The following EIF5B variants were observed in gnomAD, a reference collection of about 807,000 sequenced individuals.
EIF5B encodes the protein eIF-5B.
In EIF5B, 47 loss-of-function variants were observed where a neutral mutation model predicts 147.5. The ratio of observed to expected loss-of-function variants is 0.32; its 90% CI spans 0.25 to 0.41. The LOEUF is 0.41. Among genes scored for constraint, EIF5B ranks in the 10% least tolerant of loss-of-function variants. The pLI is 1.00. For missense variants in EIF5B, 1,064 were observed against 1,413.2 expected, an observed-to-expected ratio of 0.75 and a Z score of 3.96; for synonymous variants, 455 against 456.2, an observed-to-expected ratio of 1.00 and a Z score of 0.03.
chr2:99,376,300 C>G, intron 9 of EIF5B, 47 bp from the exon 10 acceptor site: 1 of 1,197,500 alleles, frequency 8.4e-7, no homozygotes, highest in African/African-American at 1.6e-5. Context: ...TGATATAAAT[C>G]TATCATATTA....
chr2:99,346,052 A>C (rs2094272751), intron 1 of EIF5B, among the ~76,000 whole-genome samples: 1 of 152,196 alleles, frequency 6.6e-6, no homozygotes, highest in Admixed American at 6.5e-5. Context: ...GATAATACAG[A>C]GTGAAGTGCT....
chr2:99,351,688 T>TG (rs1489726726), intron 1 of EIF5B, among the ~76,000 whole-genome samples: 1 of 109,914 alleles, frequency 9.1e-6, no homozygotes, highest in African/African-American at 3.1e-5. Context: ...TATCATTGTG[T>TG]TTTTTTTTTG....
intron 7 of EIF5B, 84 bp from the exon 8 acceptor site, chr2:99,369,308 T>C (rs533629182): frequency 4.7e-6 from 5 of 1,066,242 alleles, no homozygotes; most frequent in Non-Finnish European, 6.8e-6. Flanking sequence ...TACACTACTG[T>C]TTTTTATTCA....
At chr2:99,362,024 A>T (rs1367227528) in intron 4 of EIF5B, among the ~76,000 whole-genome samples, 1 of 152,200 alleles carries the variant, frequency 6.6e-6, no homozygotes, top group Non-Finnish European at 1.5e-5. Flanking sequence ...TATCTTTCAG[A>T]TTATTTATGT....
chr2:99,395,480 C>T (rs555548617), intron 21 of EIF5B, among the ~76,000 whole-genome samples: 28 of 152,250 alleles, frequency 1.8e-4, no homozygotes, highest in Middle Eastern at 3.4e-3. Flanking sequence ...ACTACAGGCT[C>T]ACACCACTAT....
intron 6 of EIF5B, among the ~76,000 whole-genome samples, chr2:99,367,871 T>C (rs1674363212): frequency 6.6e-6 from 1 of 152,222 alleles, no homozygotes; most frequent in Admixed American, 6.5e-5. Context: ...TCATTCACAC[T>C]ACAAAATATT....
intron 5 of EIF5B, among the ~76,000 whole-genome samples, 196 bp downstream of exon 5, chr2:99,364,058 G>A (rs960909834): frequency 6.6e-6 from 1 of 152,058 alleles, no homozygotes; most frequent in Non-Finnish European, 1.5e-5. Flanking sequence ...CAGATTGCTC[G>A]ATACATAAGT....
chr2:99,399,522 A>T lies in EIF5B; in HGVS notation c.*108A>T, dbSNP rs1315667131. The T allele has an allele frequency of 1.6e-5, 16 of 973,312 alleles. No homozygotes were observed. The highest frequency in any genetic ancestry group is 2.5e-5 in the Non-Finnish European group (16 of 647,042). The allele number at this position is 973,312 out of a possible 1,614,324, so 60.3% of individuals were successfully genotyped here. ...GACGTATTTGGACACTGATGGACTT[A>T]AGTATGGAAGGAAGAAAAATAGGTG... On this transcript the variant is annotated 3_prime_UTR_variant, in exon 24 of 24. Coordinates refer to ENST00000289371, the MANE Select transcript of EIF5B (RefSeq NM_015904.4).
rs1675307265 is a variant in EIF5B, at chr2:99,401,016, A to T, written c.*1602A>T. ...TAAAAATCCATAAAACTTTATAAACAAACATTTTGTAAATAGAATCTATGC... is the reference window on the plus strand; with the variant it reads ...TAAAAATCCATAAAACTTTATAAACTAACATTTTGTAAATAGAATCTATGC... On this transcript the variant is annotated 3_prime_UTR_variant, in exon 24 of 24. Transcript: ENST00000289371. 3 of 328,308 alleles carry T rather than the reference A, an allele frequency of 9.1e-6. No individual in the cohort carries two copies. The East Asian group carries it at 1.5e-4, about 17-fold the overall frequency. The allele number at this position is 328,308 out of a possible 1,614,324, so 20.3% of individuals were successfully genotyped here.
intron 1 of EIF5B, among the ~76,000 whole-genome samples, chr2:99,351,621 C>T (rs887905941): frequency 6.6e-6 from 1 of 152,110 alleles, no homozygotes; most frequent in African/African-American, 2.4e-5. Flanking sequence ...CCAGTCTCAA[C>T]ACTTGGTATT....
At chr2:99,381,094 G>A (rs950812221) in intron 12 of EIF5B, among the ~76,000 whole-genome samples, 2 of 152,152 alleles carry the variant, frequency 1.3e-5, no homozygotes, top group Non-Finnish European at 2.9e-5. Context: ...ATTATAATAT[G>A]TAGTAGTGAA....
intron 8 of EIF5B, among the ~76,000 whole-genome samples, chr2:99,370,246 A>G (rs966864780): frequency 2.6e-5 from 4 of 152,110 alleles, no homozygotes; most frequent in Non-Finnish European, 4.4e-5. Flanking sequence ...GGAGTTGGGG[A>G]AAAATCTCTG....
chr2:99,338,806 G>C (rs907529150), intron 1 of EIF5B, among the ~76,000 whole-genome samples: 4 of 151,580 alleles, frequency 2.6e-5, no homozygotes, highest in African/African-American at 4.8e-5. Flanking sequence ...CTAATGTTCA[G>C]CTGTCTCTAG....
chr2:99,375,864 C>T (rs538775816), intron 9 of EIF5B, among the ~76,000 whole-genome samples: 8 of 152,170 alleles, frequency 5.3e-5, no homozygotes, highest in South Asian at 2.1e-4. Context: ...AGCACCACTA[C>T]GTGACGCTCA....
intron 1 of EIF5B, among the ~76,000 whole-genome samples, chr2:99,353,119 A>G (rs1674015317): frequency 7.0e-6 from 1 of 143,792 alleles, no homozygotes; most frequent in Non-Finnish European, 1.5e-5. Context: ...GGTTCAAGCA[A>G]TTCTTCTGCC....
At chr2:99,385,400 T>G (rs548179568) in intron 14 of EIF5B, among the ~76,000 whole-genome samples, 1 of 152,302 alleles carries the variant, frequency 6.6e-6, no homozygotes, top group African/African-American at 2.4e-5. Flanking sequence ...ACTTCTTTGC[T>G]GTCTCTTTTA....
intron 21 of EIF5B, among the ~76,000 whole-genome samples, chr2:99,395,359 G>A (rs541472692): frequency 6.6e-6 from 1 of 152,278 alleles, no homozygotes; most frequent in Admixed American, 6.5e-5. Context: ...TTTGAGACAG[G>A]GTCTCGTTCT....
chr2:99,362,568 G>A (rs531567701), intron 4 of EIF5B, among the ~76,000 whole-genome samples: 5 of 151,756 alleles, frequency 3.3e-5, no homozygotes, highest in African/African-American at 7.2e-5. Context: ...GCATGGTGGC[G>A]GGCGCCTGTA....
chr2:99,379,222 T>A, intron 11 of EIF5B, 96 bp downstream of exon 11: 9 of 1,398,666 alleles, frequency 6.4e-6, no homozygotes, highest in Non-Finnish European at 8.9e-6. Context: ...ATATAAGCAA[T>A]TCTGCTTACA....
Sources: gnomAD v4.1 joint callset for allele counts (sites outside exome capture counted in the v4.1 genomes callset) on GRCh38, gnomAD v4.1.1 for gene constraint, MANE v1.5 for transcripts, NCBI Gene and HGNC (gene_info 2026-07-23, HGNC 2026-07-21) for gene names.